SLC24A2: variants seen among roughly 807,000 people sequenced by gnomAD.
SLC24A2 encodes the protein solute carrier family 24 member 2.
A neutral mutation model predicts 62.0 loss-of-function variants in SLC24A2; 36 were observed. That is an observed-to-expected ratio of 0.58 (90% CI 0.44 to 0.77). SLC24A2 has a LOEUF of 0.77. Among genes scored for constraint, SLC24A2 ranks in the 30% least tolerant of loss-of-function variants. The probability of loss-of-function intolerance (pLI) is 0.00; values close to 1 mark genes in which losing one functional copy is unlikely to be tolerated. For missense variants in SLC24A2, 846 were observed against 817.9 expected, an observed-to-expected ratio of 1.03 and a Z score of -0.42; for synonymous variants, 358 against 294.0, an observed-to-expected ratio of 1.22 and a Z score of -2.23.
chr9:20,057,673 A>G, the SLC24A2 span, among the ~76,000 whole-genome samples: 1 of 152,204 alleles, frequency 6.6e-6, no homozygotes, highest in Admixed American at 6.5e-5. Flanking sequence ...CATATGTGCA[A>G]TCTATTATTA....
the SLC24A2 span, among the ~76,000 whole-genome samples, chr9:19,898,073 G>T: frequency 1.7e-4 from 26 of 152,296 alleles, no homozygotes; most frequent in African/African-American, 5.8e-4. Flanking sequence ...GGCTGGAGGA[G>T]GGAATCAGAG....
At chr9:20,193,866 G>T in the SLC24A2 span, among the ~76,000 whole-genome samples, 36 of 151,980 alleles carry the variant, frequency 2.4e-4, no homozygotes, top group African/African-American at 7.5e-4. Context: ...TGATCCTATC[G>T]GTTGAAAGAA....
At chr9:19,969,183 CCACACACACACACACA>C in the SLC24A2 span, among the ~76,000 whole-genome samples, 8 of 122,272 alleles carry the variant, frequency 6.5e-5, no homozygotes, top group South Asian at 6.3e-4. Context: ...ACCTCCTTTG[CCACACACACACACACA>C]CACACACACA....
intron 7 of SLC24A2, among the ~76,000 whole-genome samples, chr9:19,562,336 G>GT (rs974887249): frequency 1.3e-5 from 2 of 152,090 alleles, no homozygotes; most frequent in Admixed American, 6.6e-5. Flanking sequence ...TGGTAATGGA[G>GT]TTTTTTTCCT....
At chr9:19,852,640 T>A in the SLC24A2 span, among the ~76,000 whole-genome samples, 2 of 152,114 alleles carry the variant, frequency 1.3e-5, no homozygotes, top group Non-Finnish European at 2.9e-5. Flanking sequence ...AGATGTGTGG[T>A]CTTATTTCTG....
chr9:19,565,616 C>G (rs966569049), intron 7 of SLC24A2, among the ~76,000 whole-genome samples: 18 of 151,704 alleles, frequency 1.2e-4, no homozygotes, highest in African/African-American at 4.4e-4. Flanking sequence ...TTGGAAAAAA[C>G]TAAAGTTCAT....
chr9:19,521,618 A>G (rs1041194261), intron 9 of SLC24A2, among the ~76,000 whole-genome samples: 9 of 152,200 alleles, frequency 5.9e-5, no homozygotes, highest in African/African-American at 2.2e-4. Context: ...AACTGTGGAG[A>G]AGCAAAATCC....
intron 2 of SLC24A2, among the ~76,000 whole-genome samples, chr9:19,733,873 TA>T (rs1379237428): frequency 1.3e-5 from 2 of 152,128 alleles, no homozygotes; most frequent in East Asian, 3.9e-4. Context: ...GCTTATATTC[TA>T]ATGCTACAGA....
intron 2 of SLC24A2, among the ~76,000 whole-genome samples, chr9:19,655,826 A>G (rs901321207): frequency 6.6e-6 from 1 of 152,154 alleles, no homozygotes; most frequent in Non-Finnish European, 1.5e-5. Context: ...TTGAGTTCAT[A>G]TCTGGCTGGA....
At chr9:19,842,738 T>C in the SLC24A2 span, among the ~76,000 whole-genome samples, 14 of 152,176 alleles carry the variant, frequency 9.2e-5, no homozygotes, top group African/African-American at 2.9e-4. Flanking sequence ...AATAGCTGTA[T>C]TGTATATATT....
chr9:20,052,092 G>A, the SLC24A2 span, among the ~76,000 whole-genome samples: 9 of 152,116 alleles, frequency 5.9e-5, no homozygotes, highest in African/African-American at 1.7e-4. Context: ...CTACCCTCAT[G>A]GTTTCAATAT....
At chr9:19,777,598 A>C (rs1178607600) in intron 2 of SLC24A2, among the ~76,000 whole-genome samples, 2 of 152,184 alleles carry the variant, frequency 1.3e-5, no homozygotes, top group East Asian at 3.8e-4. Context: ...GCTCCATAAT[A>C]GGCCAAAAAT....
the SLC24A2 span, among the ~76,000 whole-genome samples, chr9:20,231,222 T>A: frequency 3.3e-4 from 50 of 152,302 alleles, no homozygotes; most frequent in Admixed American, 1.3e-3. Context: ...TGCGGGCTCT[T>A]TTTTGGTCCC....
the SLC24A2 span, among the ~76,000 whole-genome samples, chr9:20,267,749 T>C: frequency 2.6e-5 from 4 of 152,248 alleles, no homozygotes; most frequent in African/African-American, 9.6e-5. Context: ...CTCTCATTTA[T>C]GAAGTTGCCA....
the SLC24A2 span, among the ~76,000 whole-genome samples, chr9:20,266,740 C>A: frequency 6.6e-6 from 1 of 152,126 alleles, no homozygotes; most frequent in Non-Finnish European, 1.5e-5. Context: ...TGGAGATTCA[C>A]GGTGCACTTT....
chr9:20,006,158 CT>C, the SLC24A2 span, among the ~76,000 whole-genome samples: 1 of 151,252 alleles, frequency 6.6e-6, no homozygotes, highest in African/African-American at 2.4e-5. Context: ...TATATACCTA[CT>C]TTTCATATTT....
At chr9:19,601,762 T>C (rs935499818) in intron 4 of SLC24A2, among the ~76,000 whole-genome samples, 2 of 152,200 alleles carry the variant, frequency 1.3e-5, no homozygotes, top group Non-Finnish European at 2.9e-5. Context: ...GGTCTGCCAC[T>C]TGCTAGCCAT....
chr9:20,160,050 A>G, the SLC24A2 span, among the ~76,000 whole-genome samples: 2 of 151,450 alleles, frequency 1.3e-5, no homozygotes, highest in Non-Finnish European at 1.5e-5. Flanking sequence ...CATAAGACTC[A>G]CACCTAAAAC....
intron 7 of SLC24A2, among the ~76,000 whole-genome samples, chr9:19,573,138 G>C (rs1476285777): frequency 6.6e-6 from 1 of 152,148 alleles, no homozygotes; most frequent in Non-Finnish European, 1.5e-5. Context: ...CAGTGGCTTA[G>C]AGAATATTCA....
Sources: gnomAD v4.1 joint callset for allele counts (sites outside exome capture counted in the v4.1 genomes callset) on GRCh38, gnomAD v4.1.1 for gene constraint, MANE v1.5 for transcripts, NCBI Gene and HGNC (gene_info 2026-07-23, HGNC 2026-07-21) for gene names.